MUC21: variants seen among roughly 807,000 people sequenced by gnomAD.
MUC21 encodes mucin 21, cell surface associated.
Under a neutral mutation model 9.1 loss-of-function variants are expected in MUC21, and 8 were observed. The observed-to-expected ratio is 0.88, with a 90% CI of 0.52 to 1.59. MUC21 has a LOEUF of 1.59. Ranked by LOEUF, MUC21 falls within the 40% of genes most tolerant of loss-of-function variation. The probability of loss-of-function intolerance (pLI) is 0.00; values close to 1 mark genes in which losing one functional copy is unlikely to be tolerated. For synonymous variants in MUC21, 189 were observed against 275.2 expected, an observed-to-expected ratio of 0.69 and a Z score of 3.10; for missense variants, 478 against 694.2, an observed-to-expected ratio of 0.69 and a Z score of 3.50.
Position 30,986,315 on chromosome 6 carries a change from A to C in MUC21, c.140A>C (p.Asn47Thr), listed in dbSNP as rs150324857. The C allele has an allele frequency of 6.2e-7, 1 of 1,613,712 alleles. No individual in the cohort carries two copies. The highest frequency in any genetic ancestry group is 1.1e-5 in the South Asian group (1 of 91,058). Residue 47 changes from asparagine to threonine, a missense_variant, in exon 2 of 3, where the codon AAC becomes ACC. By Grantham distance (65) the Asn-to-Thr change is moderately conservative (BLOSUM62 0). This residue lies in a region of MUC21 where 110 missense variants were observed against 108.3 expected (regional missense o/e 1.02). Transcript: ENST00000376296. ...TCCAGTGGAGCCAGCACAGCCACCAACTCTGGGTCCAGTGTGACCTCCAGT... is the reference window on the plus strand; with the variant it reads ...TCCAGTGGAGCCAGCACAGCCACCACCTCTGGGTCCAGTGTGACCTCCAGT... ...VISSGASTAT[N>T]SGSSVTSSGV...
chr6:30,988,095 T>C lies in MUC21; in HGVS notation c.1602T>C (p.His534=). ...HGLGPGPGGN[H]GAPHRPRWSP... is the part of the protein sequence containing the mutation. ...TTGGTCCAGGCCCTGGAGGGAATCA[T>C]GGAGCCCCCCACAGGCCCAGGTGGA... Residue 534 remains histidine, a synonymous_variant, in exon 3 of 3, where the codon CAT becomes CAC. Coordinates refer to ENST00000376296, the MANE Select transcript of MUC21 (RefSeq NM_001010909.5). The C allele has an allele frequency of 1.9e-6, 3 of 1,611,728 alleles. No individual in the cohort carries two copies. The highest frequency in any genetic ancestry group is 2.5e-6 in the Non-Finnish European group (3 of 1,178,814).
chr6:30,983,877 C>T lies in MUC21; in HGVS notation c.-82C>T. ...CTCTTCACCTTCAAGTCCCCTTTCT[C>T]AAGAATCCTCTGTTCTTTGCCCTCT... On this transcript the variant is annotated 5_prime_UTR_variant, in exon 1 of 3. Coordinates refer to ENST00000376296, the MANE Select transcript of MUC21 (RefSeq NM_001010909.5). The T allele has an allele frequency of 2.8e-6, 2 of 717,626 alleles. No homozygotes were observed. Among genetic ancestry groups the T allele is most frequent in the Non-Finnish European group, 5.1e-6 (2 of 389,522 alleles). The allele number at this position is 717,626 out of a possible 1,614,324, so 44.5% of individuals were successfully genotyped here.
At chr6:30,987,782 GA>G in intron 2 of MUC21, 101 bp downstream of exon 2, 1 of 1,509,170 alleles carries the variant, frequency 6.6e-7, no homozygotes, top group Non-Finnish European at 8.8e-7. Flanking sequence ...GGTGGGTAGG[GA>G]GGAAGGGAGA....
rs137862032 is a variant in MUC21 at position 30,986,344 on chromosome 6, G to A, written c.169G>A (p.Val57Ile). 202 of 1,612,054 alleles carry A rather than the reference G, an allele frequency of 1.3e-4. No individual in the cohort carries two copies. The highest frequency in any genetic ancestry group is 1.6e-4 in the Non-Finnish European group (190 of 1,178,896). ...NSGSSVTSSG[V>I]STATISGSSV... is the part of the protein sequence containing the mutation. ...TGGGTCCAGTGTGACCTCCAGTGGG[G>A]TCAGCACAGCCACCATCTCAGGGTC... The change falls in exon 2 of 3, where the codon GTC (valine) becomes ATC (isoleucine). Residue 57 changes from valine (V) to isoleucine (I), a missense_variant. Transcript: ENST00000376296.
At chr6:30,986,210 A>AT in intron 1 of MUC21, 27 bp from the exon 2 acceptor site, 1 of 1,581,562 alleles carries the variant, frequency 6.3e-7, no homozygotes, top group Non-Finnish European at 8.6e-7. Flanking sequence ...CACACAATAT[A>AT]TATTTGTCAT....
rs753563588 is a variant in MUC21, at chr6:30,983,982, T to G, written c.24T>G (p.Val8=). MKMQKGN[V]LLMFGLLLHL... The stretch of plus-strand genomic sequence containing the variant: ...AGATGAAGATGCAGAAAGGAAATGT[T>G]CTCCTTATGTTTGGTCTACTATTGC... Residue 8 remains valine (V), a synonymous_variant, in exon 1 of 3, where the codon GTT becomes GTG. Transcript: ENST00000376296. The G allele has an allele frequency of 1.3e-6, 1 of 779,768 alleles. No individual in the cohort carries two copies. The highest frequency in any genetic ancestry group is 2.4e-5 in the East Asian group (1 of 41,262). 48.3% of individuals were successfully genotyped at this position (779,768 alleles called of 1,614,324 possible).
rs757378498 is a variant in MUC21, at chr6:30,988,052, A to G, written c.1559A>G (p.His520Arg). 6.6e-7 allele frequency: 1 copy of G among 1,511,930 alleles called. No individual in the cohort carries two copies. The highest frequency in any genetic ancestry group is 9.2e-7 in the Non-Finnish European group (1 of 1,088,018). The allele number at this position is 1,511,930 out of a possible 1,614,324, so 93.7% of individuals were successfully genotyped here. The change falls in exon 3 of 3, where the codon CAT becomes CGT. Residue 520 changes from histidine to arginine, a missense_variant. By Grantham distance (29) the His-to-Arg change is conservative. Transcript: ENST00000376296. Reference sequence around the variant, plus strand: ...TTTAACACAGCTGTCTACCACCCTCATGGCCTCAACCATGGCCTTGGTCCA... The same window carrying G: ...TTTAACACAGCTGTCTACCACCCTCGTGGCCTCAACCATGGCCTTGGTCCA... ...NTFNTAVYHP[H>R]GLNHGLGPGP... is the part of the protein sequence containing the mutation.
Position 30,987,485 on chromosome 6 carries a change from A to G in MUC21, c.1310A>G (p.Asn437Ser). The G allele has an allele frequency of 1.2e-6, 2 of 1,614,242 alleles. No homozygotes were observed. The highest frequency in any genetic ancestry group is 1.7e-6 in the Non-Finnish European group (2 of 1,180,030). ...TCCAGTGGGGCCAACACAGCCACCAACTCTGGGTCCAGTGTGACCTCTGCA... is the reference window on the plus strand; with the variant it reads ...TCCAGTGGGGCCAACACAGCCACCAGCTCTGGGTCCAGTGTGACCTCTGCA... ...TTSSGANTAT[N>S]SGSSVTSAGS... The change falls in exon 2 of 3, where the codon AAC (asparagine) becomes AGC (serine). Residue 437 changes from asparagine (N) to serine (S), a missense_variant. Around this residue, in one of 5 missense-constraint regions of MUC21, gnomAD observed 158 missense variants for 192.6 expected, o/e 0.82. Coordinates refer to ENST00000376296, the MANE Select transcript of MUC21 (RefSeq NM_001010909.5).
chr6:30,984,445 C>A (rs1431702719), intron 1 of MUC21, among the ~76,000 whole-genome samples: 1 of 152,004 alleles, frequency 6.6e-6, no homozygotes, highest in Non-Finnish European at 1.5e-5. Context: ...GTGAGGCAGG[C>A]AGGTCATTGA....
intron 2 of MUC21, 137 bp downstream of exon 2, chr6:30,987,818 T>C: frequency 1.4e-6 from 2 of 1,437,498 alleles, no homozygotes; most frequent in Non-Finnish European, 1.9e-6. Context: ...CACAGAGACA[T>C]GGTAGGTCAA....
intron 1 of MUC21, among the ~76,000 whole-genome samples, chr6:30,985,369 G>A (rs978357577): frequency 1.3e-5 from 2 of 152,162 alleles, no homozygotes; most frequent in African/African-American, 4.8e-5. Context: ...TGTTGTACAT[G>A]CAGACTCCTG....
intron 1 of MUC21, chr6:30,984,268 C>A: frequency 2.4e-6 from 1 of 422,054 alleles, no homozygotes. Context: ...TACTTTAGGT[C>A]AGTTGCTTCT....
In MUC21 at chr6:30,987,981, T is replaced by C. The variant is rs2150694129; in HGVS notation, c.1507-19T>C. The C allele has an allele frequency of 1.9e-6, 2 of 1,056,454 alleles. No individual in the cohort carries two copies. Among genetic ancestry groups the C allele is most frequent in the East Asian group, 2.4e-5 (1 of 42,420 alleles). The allele number at this position is 1,056,454 out of a possible 1,614,324, so 65.4% of individuals were successfully genotyped here. A position where few individuals can be genotyped will look rare whatever the true frequency, so the allele number is the denominator to read the frequency against. ...AGACAGGGATGCAATTCTGAAACTA[T>C]TGACTCTTCTTTTTTTAGAGAAACA... On this transcript the variant is annotated intron_variant, in intron 2 of 2. Transcript: ENST00000376296.
At chr6:30,987,976 A>T in intron 2 of MUC21, 24 bp from the exon 3 acceptor site, 1 of 1,043,168 alleles carries the variant, frequency 9.6e-7, no homozygotes, top group Non-Finnish European at 1.5e-6. Context: ...GCAATTCTGA[A>T]ACTATTGACT....
chr6:30,988,006 A>G lies in MUC21; in HGVS notation c.1513A>G (p.Ser505Gly). The G allele has an allele frequency of 8.5e-7, 1 of 1,172,116 alleles. No individual in the cohort carries two copies. 72.6% of individuals were successfully genotyped at this position (1,172,116 alleles called of 1,614,324 possible). A position where few individuals can be genotyped will look rare whatever the true frequency, so the allele number is the denominator to read the frequency against. Residue 505 changes from serine to glycine, a missense_variant, in exon 3 of 3, where the codon AGC becomes GGC. Physicochemically the swap from Ser to Gly is moderately conservative, Grantham distance 56 (BLOSUM62 0). Around this residue, in one of 5 missense-constraint regions of MUC21, gnomAD observed 158 missense variants for 192.6 expected, o/e 0.82. Transcript: ENST00000376296. ...TTGACTCTTCTTTTTTTAGAGAAAC[A>G]GCCTGTCCCTGAGAAACACCTTTAA... ...FAGLFFCVRN[S>G]LSLRNTFNTA...
Position 30,988,145 on chromosome 6 carries a change from C to T in MUC21, c.1652C>T (p.Pro551Leu). Reference protein sequence around the residue: ...RWSPNWFWRRPVSSIAMEMSG... With the variant: ...RWSPNWFWRRLVSSIAMEMSG... ...AGTCCTAACTGGTTCTGGAGGAGAC[C>T]AGTATCCTCGATAGCCATGGAGATG... is the stretch of plus-strand genomic sequence containing the variant. Residue 551 changes from proline (P) to leucine (L), a missense_variant, in exon 3 of 3, where the codon CCA becomes CTA. Pro to Leu is a moderately conservative substitution (Grantham distance 98). Coordinates refer to ENST00000376296, the MANE Select transcript of MUC21 (RefSeq NM_001010909.5). The T allele has an allele frequency of 1.2e-6, 2 of 1,612,894 alleles. No homozygotes were observed. The highest frequency in any genetic ancestry group is 1.7e-6 in the Non-Finnish European group (2 of 1,180,018).
chr6:30,984,332 G>A (rs1474250303), intron 1 of MUC21, among the ~76,000 whole-genome samples: 5 of 152,140 alleles, frequency 3.3e-5, no homozygotes. Context: ...TAATATGGTT[G>A]GGGTTTTAAA....
At chr6:30,986,202 CACA>C in intron 1 of MUC21, 32 bp from the exon 2 acceptor site, 1 of 1,547,760 alleles carries the variant, frequency 6.5e-7, no homozygotes, top group South Asian at 1.2e-5. Context: ...AGTATATACA[CACA>C]ATATATATTT....
chr6:30,986,404 A>C lies in MUC21; in HGVS notation c.229A>C (p.Asn77His). The change falls in exon 2 of 3, where the codon AAC becomes CAC. Residue 77 changes from asparagine to histidine, a missense_variant. Around this residue, in one of 5 missense-constraint regions of MUC21, gnomAD observed 110 missense variants for 108.3 expected, o/e 1.02. Transcript: ENST00000376296. ...VTSNGVSIVT[N>H]SEFHTTSSGI... ...CTCCAATGGGGTCAGCATAGTCACC[A>C]ACTCTGAGTTCCATACAACCTCCAG... The C allele has an allele frequency of 6.2e-7, 1 of 1,612,970 alleles. No individual in the cohort carries two copies. The highest frequency in any genetic ancestry group is 8.5e-7 in the Non-Finnish European group (1 of 1,179,474).
Sources: allele counts gnomAD v4.1 joint callset (sites outside exome capture counted in the v4.1 genomes callset), GRCh38; gene constraint gnomAD v4.1.1; regional missense constraint gnomAD v4.1.1; transcripts MANE v1.5; gene names NCBI Gene and HGNC (gene_info 2026-07-23, HGNC 2026-07-21).